SETBP1: variants seen among roughly 807,000 people sequenced by gnomAD.
SETBP1 encodes the protein SET binding protein 1, also known as SET-binding protein.
SETBP1 carries 9 observed loss-of-function variants against 101.0 expected under a neutral mutation model. The ratio of observed to expected loss-of-function variants is 0.09; its 90% CI spans 0.05 to 0.16. The LOEUF (loss-of-function observed/expected upper bound fraction) is 0.16. Among genes scored for constraint, SETBP1 ranks in the 10% least tolerant of loss-of-function variants. The pLI is 1.00. For synonymous variants in SETBP1, 818 were observed against 788.5 expected, an observed-to-expected ratio of 1.04 and a Z score of -0.63; for missense variants, 1,858 against 2,033.8, an observed-to-expected ratio of 0.91 and a Z score of 1.66.
intron 5 of SETBP1, among the ~76,000 whole-genome samples, chr18:45,047,682 C>T (rs1184408630): frequency 6.6e-6 from 1 of 152,070 alleles, no homozygotes; most frequent in Non-Finnish European, 1.5e-5. Context: ...CAGAAATGGT[C>T]TCAGGCAATG....
intron 2 of SETBP1, among the ~76,000 whole-genome samples, chr18:44,752,299 G>C (rs768095885): frequency 6.6e-5 from 10 of 152,230 alleles, no homozygotes; most frequent in Admixed American, 5.2e-4. Context: ...TTGGTGGTCA[G>C]TGCTGGGATG....
chr18:44,912,382 T>C (rs774192029), intron 3 of SETBP1, among the ~76,000 whole-genome samples: 39 of 152,324 alleles, frequency 2.6e-4, no homozygotes, highest in Non-Finnish European at 4.7e-4. Context: ...ACCATATATG[T>C]TGTGAAATAA....
intron 2 of SETBP1, among the ~76,000 whole-genome samples, chr18:44,712,222 C>G (rs1384881367): frequency 6.6e-6 from 1 of 152,188 alleles, no homozygotes; most frequent in African/African-American, 2.4e-5. Context: ...CCACAAGTTT[C>G]TAGCCAGTTT....
chr18:45,045,043 A>T (rs2073581966), intron 5 of SETBP1, among the ~76,000 whole-genome samples: 1 of 152,180 alleles, frequency 6.6e-6, no homozygotes, highest in Admixed American at 6.5e-5. Context: ...GCACTTTGGG[A>T]GGCCAAGGCA....
chr18:44,901,781 C>T (rs1364176920), intron 3 of SETBP1, among the ~76,000 whole-genome samples: 1 of 152,188 alleles, frequency 6.6e-6, no homozygotes, highest in African/African-American at 2.4e-5. Context: ...ATAATTGTGA[C>T]TTGACCAGTT....
At chr18:44,766,411 C>T (rs1463752295) in intron 2 of SETBP1, among the ~76,000 whole-genome samples, 1 of 152,150 alleles carries the variant, frequency 6.6e-6, no homozygotes, top group African/African-American at 2.4e-5. Flanking sequence ...ATGGATGAGA[C>T]TTGAGGACAT....
At chr18:44,831,732 C>CTA (rs2072375131) in intron 2 of SETBP1, among the ~76,000 whole-genome samples, 1 of 152,158 alleles carries the variant, frequency 6.6e-6, no homozygotes, top group Non-Finnish European at 1.5e-5. Flanking sequence ...TAAATGAAGG[C>CTA]TATTGTTACT....
At chr18:44,702,919 C>T (rs2069142833) in intron 2 of SETBP1, among the ~76,000 whole-genome samples, 1 of 152,162 alleles carries the variant, frequency 6.6e-6, no homozygotes, top group Non-Finnish European at 1.5e-5. Flanking sequence ...TTGTCATTTT[C>T]CTCCTAAAAG....
intron 3 of SETBP1, among the ~76,000 whole-genome samples, chr18:44,901,644 G>T (rs928052559): frequency 2.0e-5 from 3 of 152,106 alleles, no homozygotes; most frequent in African/African-American, 7.2e-5. Flanking sequence ...CTAGTGATTT[G>T]ATTTATTCCA....
At chr18:45,048,627 T>G (rs1021933206) in intron 5 of SETBP1, among the ~76,000 whole-genome samples, 3 of 152,172 alleles carry the variant, frequency 2.0e-5, no homozygotes, top group African/African-American at 7.2e-5. Flanking sequence ...GTCAACCTTT[T>G]TTTTTTAAGA....
intron 3 of SETBP1, among the ~76,000 whole-genome samples, chr18:44,905,539 T>C (rs900936404): frequency 6.6e-6 from 1 of 151,886 alleles, no homozygotes; most frequent in Admixed American, 6.6e-5. Context: ...CAGTTATGGG[T>C]GCTAAGAGAA....
intron 2 of SETBP1, among the ~76,000 whole-genome samples, chr18:44,819,989 T>C (rs992746231): frequency 2.0e-5 from 3 of 152,222 alleles, no homozygotes; most frequent in African/African-American, 7.2e-5. Context: ...CACGTCATCA[T>C]TGCTGATGGT....
At chr18:44,943,072 G>A (rs2071122071) in intron 3 of SETBP1, among the ~76,000 whole-genome samples, 1 of 152,174 alleles carries the variant, frequency 6.6e-6, no homozygotes, top group South Asian at 2.1e-4. Flanking sequence ...GATACGTAGT[G>A]ACATTCTTCT....
intron 4 of SETBP1, among the ~76,000 whole-genome samples, chr18:45,032,576 T>C (rs1185981168): frequency 2.6e-5 from 4 of 152,220 alleles, no homozygotes; most frequent in African/African-American, 9.6e-5. Flanking sequence ...AAACTAATGC[T>C]GATAGGGTCA....
chr18:44,948,583 A>G (rs2071267247), intron 3 of SETBP1, among the ~76,000 whole-genome samples: 1 of 152,200 alleles, frequency 6.6e-6, no homozygotes, highest in Admixed American at 6.5e-5. Flanking sequence ...GCCAGTCATC[A>G]TATACTTCCT....
At chr18:44,731,660 GCA>G (rs140767298) in intron 2 of SETBP1, among the ~76,000 whole-genome samples, 2 of 150,698 alleles carry the variant, frequency 1.3e-5, no homozygotes. Context: ...ACACGCGCAC[GCA>G]CACACACACA....
At chr18:44,813,845 A>G (rs1307591895) in intron 2 of SETBP1, among the ~76,000 whole-genome samples, 2 of 152,164 alleles carry the variant, frequency 1.3e-5, no homozygotes, top group Non-Finnish European at 1.5e-5. Context: ...CTGTTTCTGG[A>G]CATGGGAACA....
intron 2 of SETBP1, among the ~76,000 whole-genome samples, chr18:44,715,325 G>C (rs1247032124): frequency 6.6e-6 from 1 of 152,038 alleles, no homozygotes; most frequent in Non-Finnish European, 1.5e-5. Flanking sequence ...GTGAGGCGTG[G>C]TACGAAGTGA....
At chr18:44,980,832 A>G (rs534780904) in intron 4 of SETBP1, among the ~76,000 whole-genome samples, 7 of 152,322 alleles carry the variant, frequency 4.6e-5, no homozygotes, top group African/African-American at 1.7e-4. Context: ...GGGAAGCAGT[A>G]GGAGCCCAGG....
Sources: gnomAD v4.1 joint callset for allele counts (sites outside exome capture counted in the v4.1 genomes callset) on GRCh38, gnomAD v4.1.1 for gene constraint, MANE v1.5 for transcripts, NCBI Gene and HGNC (gene_info 2026-07-23, HGNC 2026-07-21) for gene names.